Variants in TAFA1 observed in about 807,000 individuals in gnomAD.
TAFA1 encodes chemokine-like protein TAFA-1.
Under a neutral mutation model 18.5 loss-of-function variants are expected in TAFA1, and 4 were observed. The ratio of observed to expected loss-of-function variants is 0.22; its 90% CI spans 0.11 to 0.49. The LOEUF (loss-of-function observed/expected upper bound fraction) is 0.49, where lower values mean the gene tolerates loss of function less well. Ranked by LOEUF, TAFA1 falls within the 20% of genes least tolerant of loss-of-function variation. The probability of loss-of-function intolerance (pLI) is 0.98; values close to 1 mark genes in which losing one functional copy is unlikely to be tolerated. For missense variants in TAFA1, 147 were observed against 169.0 expected, an observed-to-expected ratio of 0.87 and a Z score of 0.72; for synonymous variants, 56 against 55.2, an observed-to-expected ratio of 1.01 and a Z score of -0.06.
At chr3:68,360,466 C>T (rs1019355590) in intron 2 of TAFA1, among the ~76,000 whole-genome samples, 12 of 151,716 alleles carry the variant, frequency 7.9e-5, no homozygotes, top group African/African-American at 2.4e-4. Context: ...ACTCTTCACC[C>T]GATATTTAGA....
In TAFA1 at chr3:68,023,061, G is replaced by T. The variant is rs77574664; in HGVS notation, c.118+16317G>T. 9.9e-3 allele frequency among the ~76,000 whole-genome samples: 1,499 copies of T among 150,658 alleles called. 23 individuals carry two copies. The highest frequency in any genetic ancestry group is 0.035 in the African/African-American group (1,445 of 40,954). On this transcript the variant is annotated intron_variant, in intron 2 of 4. Transcript: ENST00000478136. ...AAGTGCACAGTTAGTAAGTGGTAAA[G>T]CCAGTATTTGAACTGGGGTAACCTG...
chr3:68,116,116 A>G (rs537501568), intron 2 of TAFA1, among the ~76,000 whole-genome samples: 11 of 152,192 alleles, frequency 7.2e-5, no homozygotes, highest in Admixed American at 3.3e-4. Context: ...TTAGCCTGGC[A>G]TGGTGGCGGG....
At chr3:68,077,002 C>T (rs1160944878) in intron 2 of TAFA1, among the ~76,000 whole-genome samples, 1 of 151,912 alleles carries the variant, frequency 6.6e-6, no homozygotes, top group Non-Finnish European at 1.5e-5. Context: ...TTGCCATTCT[C>T]ACTGGTGTGA....
At chr3:68,102,751 A>G (rs2065162654) in intron 2 of TAFA1, among the ~76,000 whole-genome samples, 1 of 152,072 alleles carries the variant, frequency 6.6e-6, no homozygotes, top group East Asian at 1.9e-4. Flanking sequence ...GGATTCTTAG[A>G]TTTCTCTTCA....
At chr3:68,044,934 C>T (rs919523429) in intron 2 of TAFA1, among the ~76,000 whole-genome samples, 2 of 152,176 alleles carry the variant, frequency 1.3e-5, no homozygotes, top group Non-Finnish European at 2.9e-5. Context: ...TTGTATGAAT[C>T]GGCTATTGCT....
chr3:68,046,890 A>G (rs1406382284), intron 2 of TAFA1, among the ~76,000 whole-genome samples: 1 of 152,184 alleles, frequency 6.6e-6, no homozygotes, highest in Non-Finnish European at 1.5e-5. Context: ...ATATTAGTTT[A>G]TCCTGGCAAG....
rs570383128 is a variant in TAFA1 at position 68,112,750 on chromosome 3, A to G, written c.118+106006A>G. Among the ~76,000 whole-genome samples, 3 of 152,270 alleles carry G rather than the reference A, an allele frequency of 2.0e-5. No homozygotes were observed. The South Asian group carries it at 6.2e-4, about 32-fold the overall frequency. ...CAAGGTTGCTGAATAGGTAAATATA[A>G]AAATCAATTAAATTCCTCTATGCCA... On this transcript the variant is annotated intron_variant, in intron 2 of 4. Transcript: ENST00000478136.
At chr3:68,524,531 A>C (rs944812855) in intron 3 of TAFA1, among the ~76,000 whole-genome samples, 4 of 152,096 alleles carry the variant, frequency 2.6e-5, no homozygotes, top group African/African-American at 9.7e-5. Context: ...ATAAAATCAA[A>C]ATGAATTGGC....
intron 2 of TAFA1, among the ~76,000 whole-genome samples, chr3:68,060,542 C>T (rs2106724408): frequency 6.6e-6 from 1 of 152,316 alleles, no homozygotes; most frequent in Non-Finnish European, 1.5e-5. Flanking sequence ...GTGGACTATT[C>T]TAGACCAGCA....
intron 2 of TAFA1, among the ~76,000 whole-genome samples, chr3:68,021,977 T>C (rs1369252686): frequency 6.6e-6 from 1 of 152,204 alleles, no homozygotes; most frequent in African/African-American, 2.4e-5. Flanking sequence ...CTCATTAACA[T>C]ACTTCAAAAA....
intron 3 of TAFA1, among the ~76,000 whole-genome samples, chr3:68,468,142 G>A (rs1193459854): frequency 2.0e-5 from 3 of 152,132 alleles, no homozygotes; most frequent in Non-Finnish European, 4.4e-5. Flanking sequence ...AGAAAACCAA[G>A]AGATAGTGAT....
chr3:68,471,969 A>G (rs1455560462), intron 3 of TAFA1, among the ~76,000 whole-genome samples: 1 of 152,158 alleles, frequency 6.6e-6, no homozygotes, highest in African/African-American at 2.4e-5. Context: ...CTACTCTCAG[A>G]TGAGACTTTG....
intron 2 of TAFA1, among the ~76,000 whole-genome samples, chr3:68,028,241 A>T (rs983504732): frequency 6.6e-6 from 1 of 152,124 alleles, no homozygotes; most frequent in Admixed American, 6.6e-5. Context: ...TGGAGGTTGC[A>T]ATGAGCCAAC....
intron 2 of TAFA1, among the ~76,000 whole-genome samples, chr3:68,321,183 G>T (rs778406550): frequency 6.6e-6 from 1 of 152,148 alleles, no homozygotes; most frequent in Non-Finnish European, 1.5e-5. Context: ...TTATGAGGTG[G>T]ATGTAGTCTA....
intron 2 of TAFA1, among the ~76,000 whole-genome samples, chr3:68,319,161 T>C (rs1197964132): frequency 2.0e-5 from 3 of 152,240 alleles, no homozygotes; most frequent in Non-Finnish European, 4.4e-5. Flanking sequence ...CAAAGAGATT[T>C]GATCCTTGGA....
chr3:67,994,519 C>A, the TAFA1 span, among the ~76,000 whole-genome samples: 1 of 152,116 alleles, frequency 6.6e-6, no homozygotes, highest in Non-Finnish European at 1.5e-5. Context: ...AACAGAAAGC[C>A]CAACTGAAGC....
At chr3:68,335,075 A>G (rs1302624857) in intron 2 of TAFA1, among the ~76,000 whole-genome samples, 1 of 152,258 alleles carries the variant, frequency 6.6e-6, no homozygotes, top group Non-Finnish European at 1.5e-5. Flanking sequence ...TCATGTGACC[A>G]TAATGGTCAT....
At chr3:68,185,423 TTCCAG>T (rs969680668) in intron 2 of TAFA1, among the ~76,000 whole-genome samples, 1 of 152,098 alleles carries the variant, frequency 6.6e-6, no homozygotes, top group African/African-American at 2.4e-5. Context: ...AGGCTGTGTT[TTCCAG>T]TCTTTGGTAT....
chr3:68,543,470 G>C (rs2073410058), intron 4 of TAFA1, among the ~76,000 whole-genome samples: 1 of 152,102 alleles, frequency 6.6e-6, no homozygotes, highest in Admixed American at 6.6e-5. Flanking sequence ...ACAATGTAAA[G>C]TCAAGTTTTA....
Sources: gnomAD v4.1 joint callset for allele counts (sites outside exome capture counted in the v4.1 genomes callset) on GRCh38, gnomAD v4.1.1 for gene constraint, MANE v1.5 for transcripts, NCBI Gene and HGNC (gene_info 2026-07-23, HGNC 2026-07-21) for gene names.